Variants in CNTNAP2 observed in about 807,000 individuals in gnomAD.
The protein encoded by CNTNAP2 is contactin-associated protein-like 2.
Under a neutral mutation model 155.2 loss-of-function variants are expected in CNTNAP2, and 98 were observed. The observed-to-expected ratio is 0.63, with a 90% CI of 0.54 to 0.75. The LOEUF is 0.75. Ranked by LOEUF, CNTNAP2 falls within the 30% of genes least tolerant of loss-of-function variation. The pLI, the probability that CNTNAP2 is intolerant of heterozygous loss-of-function variation, is 0.00. For missense variants in CNTNAP2, 1,727 were observed against 1,688.1 expected, an observed-to-expected ratio of 1.02 and a Z score of -0.40; for synonymous variants, 651 against 631.2, an observed-to-expected ratio of 1.03 and a Z score of -0.47.
intron 10 of CNTNAP2, among the ~76,000 whole-genome samples, chr7:147,405,657 G>GA (rs1209111588): frequency 6.6e-6 from 1 of 152,126 alleles, no homozygotes; most frequent in Non-Finnish European, 1.5e-5. Context: ...AGCAGAGACA[G>GA]AAAAAAGTTT....
chr7:147,630,630 C>G lies in CNTNAP2; in HGVS notation c.1898-8476C>G, dbSNP rs371616312. The stretch of plus-strand genomic sequence containing the variant: ...TATCAAAAAGATAATACACCATTAT[C>G]AAGTGGGTTTCGTACCAGGGATGCA... On this transcript the variant is annotated intron_variant, in intron 12 of 23. Coordinates refer to ENST00000361727, the MANE Select transcript of CNTNAP2 (RefSeq NM_014141.6). 2.0e-5 allele frequency among the ~76,000 whole-genome samples: 3 copies of G among 152,228 alleles called. No homozygotes were observed. In the East Asian group the frequency reaches 5.8e-4, roughly 29 times the overall value.
At chr7:147,671,342 G>C (rs1795783953) in intron 13 of CNTNAP2, among the ~76,000 whole-genome samples, 1 of 152,312 alleles carries the variant, frequency 6.6e-6, no homozygotes, top group Admixed American at 6.5e-5. Flanking sequence ...ACAAAGTGTA[G>C]AGGAGGACCG....
chr7:146,934,185 C>G (rs1156669975), intron 3 of CNTNAP2, among the ~76,000 whole-genome samples: 1 of 151,798 alleles, frequency 6.6e-6, no homozygotes, highest in Non-Finnish European at 1.5e-5. Context: ...AGACTTGGAA[C>G]CAACCCAAAT....
chr7:146,776,128 G>T (rs536837588), intron 2 of CNTNAP2, among the ~76,000 whole-genome samples: 4 of 152,070 alleles, frequency 2.6e-5, no homozygotes, highest in African/African-American at 7.2e-5. Context: ...ATACCCAAAT[G>T]GTAATTATGA....
At chr7:146,735,133 C>T (rs773431896) in intron 1 of CNTNAP2, among the ~76,000 whole-genome samples, 19 of 152,236 alleles carry the variant, frequency 1.2e-4, no homozygotes, top group Middle Eastern at 3.4e-3. Context: ...CGGTATTATA[C>T]AGAAAGCATA....
intron 2 of CNTNAP2, among the ~76,000 whole-genome samples, chr7:146,815,543 TACAC>T (rs1803149811): frequency 6.6e-6 from 1 of 152,166 alleles, no homozygotes; most frequent in Non-Finnish European, 1.5e-5. Context: ...CATAGACACA[TACAC>T]ATATGTACAC....
chr7:148,186,842 C>A (rs114934336), intron 18 of CNTNAP2, among the ~76,000 whole-genome samples: 120 of 152,288 alleles, frequency 7.9e-4, no homozygotes, highest in African/African-American at 2.8e-3. Flanking sequence ...TGCTGACACA[C>A]GGTCAGTGGT....
At chr7:147,255,130 TTAAG>T (rs1480957575) in intron 8 of CNTNAP2, among the ~76,000 whole-genome samples, 1 of 152,206 alleles carries the variant, frequency 6.6e-6, no homozygotes, top group African/African-American at 2.4e-5. Context: ...TTTAGGCATA[TTAAG>T]TGTCTAGAGC....
chr7:146,587,694 C>T (rs73468480), intron 1 of CNTNAP2, among the ~76,000 whole-genome samples: 5,294 of 151,212 alleles, frequency 0.035, 300 homozygotes, highest in African/African-American at 0.12. Flanking sequence ...TTTTTTGAGA[C>T]GGAATTTTGC....
chr7:146,365,134 A>G (rs1031075809), intron 1 of CNTNAP2, among the ~76,000 whole-genome samples: 1 of 152,174 alleles, frequency 6.6e-6, no homozygotes, highest in East Asian at 1.9e-4. Context: ...TCTTTCTTTT[A>G]TCCAACTGCC....
chr7:147,011,717 T>A lies in CNTNAP2; in HGVS notation c.403-32190T>A, dbSNP rs149486192. ...AGGTCTTAGGAACCAGAAGCCCTTT[T>A]TCCCAAAGCCAGCCATACAAGCTAA... On this transcript the variant is annotated intron_variant, in intron 3 of 23. Transcript: ENST00000361727. Among the ~76,000 whole-genome samples, 501 of 152,240 alleles carry A rather than the reference T, an allele frequency of 3.3e-3. 1 individual carries two copies. The highest frequency in any genetic ancestry group is 0.011 in the African/African-American group (473 of 41,564).
intron 8 of CNTNAP2, among the ~76,000 whole-genome samples, chr7:147,284,556 A>T (rs1191472761): frequency 6.6e-6 from 1 of 151,960 alleles, no homozygotes; most frequent in Non-Finnish European, 1.5e-5. Context: ...GCTAGGATAA[A>T]AATATTACAT....
chr7:147,838,745 T>C (rs1798671971), intron 13 of CNTNAP2, among the ~76,000 whole-genome samples: 1 of 152,190 alleles, frequency 6.6e-6, no homozygotes, highest in South Asian at 2.1e-4. Context: ...AGCAAGTCTC[T>C]AGGGAGTTCC....
intron 3 of CNTNAP2, among the ~76,000 whole-genome samples, chr7:146,854,594 T>G (rs1013540254): frequency 6.6e-6 from 1 of 152,102 alleles, no homozygotes; most frequent in Non-Finnish European, 1.5e-5. Context: ...TTGCAACATA[T>G]AGGGACATTA....
chr7:147,767,255 C>G (rs1420390125), intron 13 of CNTNAP2, among the ~76,000 whole-genome samples: 2 of 151,786 alleles, frequency 1.3e-5, no homozygotes, highest in Non-Finnish European at 2.9e-5. Flanking sequence ...AGCAAACAAA[C>G]AAACAAAACA....
chr7:146,812,158 G>T (rs1044918782), intron 2 of CNTNAP2, among the ~76,000 whole-genome samples: 2 of 152,136 alleles, frequency 1.3e-5, no homozygotes, highest in African/African-American at 4.8e-5. Flanking sequence ...GGGCTCAGAA[G>T]AAGACAGGAA....
At chr7:146,917,100 AT>A (rs1420755116) in intron 3 of CNTNAP2, among the ~76,000 whole-genome samples, 1 of 152,118 alleles carries the variant, frequency 6.6e-6, no homozygotes, top group South Asian at 2.1e-4. Context: ...GGATCAGGTT[AT>A]TTAATTTCCA....
chr7:146,295,564 AC>A (rs1181099402), intron 1 of CNTNAP2, among the ~76,000 whole-genome samples: 2 of 152,152 alleles, frequency 1.3e-5, no homozygotes, highest in African/African-American at 4.8e-5. Context: ...TACATATTAT[AC>A]CCCCATTCAC....
At chr7:147,438,335 G>T (rs1797585324) in intron 10 of CNTNAP2, among the ~76,000 whole-genome samples, 1 of 151,934 alleles carries the variant, frequency 6.6e-6, no homozygotes, top group Non-Finnish European at 1.5e-5. Context: ...ATGCTGAATT[G>T]TATCAGATAA....
Sources: gnomAD v4.1 joint callset for allele counts (sites outside exome capture counted in the v4.1 genomes callset) on GRCh38, gnomAD v4.1.1 for gene constraint, MANE v1.5 for transcripts, NCBI Gene and HGNC (gene_info 2026-07-23, HGNC 2026-07-21) for gene names.